WDR89: variants seen among roughly 807,000 people sequenced by gnomAD.
WDR89 encodes WD repeat-containing protein 89.
In WDR89, 17 loss-of-function variants were observed where a neutral mutation model predicts 29.1. The ratio of observed to expected loss-of-function variants is 0.58; its 90% CI spans 0.40 to 0.88. The LOEUF (loss-of-function observed/expected upper bound fraction) is 0.88, where lower values mean the gene tolerates loss of function less well. Ranked by LOEUF, WDR89 falls within the 40% of genes least tolerant of loss-of-function variation. The probability of loss-of-function intolerance (pLI) is 0.00; values close to 1 mark genes in which losing one functional copy is unlikely to be tolerated. For synonymous variants in WDR89, 138 were observed against 157.8 expected (o/e 0.87, Z 0.94); for missense variants, 396 against 456.3 (o/e 0.87, Z 1.20).
At position 63,604,689 on chromosome 14, in the gene WDR89, C is replaced by T. The variant is rs955869844; in HGVS notation, c.-31-4716G>A. On this transcript the variant is annotated intron_variant, in intron 2 of 2. Coordinates refer to ENST00000620954, the MANE Select transcript of WDR89 (RefSeq NM_080666.4). ...CACTCAATATAATTTTTAAAAAGTC[C>T]TGTTTTAGTGGTGAACTTATTACCT... Among the ~76,000 whole-genome samples the T allele has an allele frequency of 2.0e-5, 3 of 152,136 alleles. No individual in the cohort carries two copies. In the East Asian group the frequency reaches 5.8e-4, roughly 29 times the overall value.
At chr14:63,639,697 C>T (rs55665448) in intron 1 of WDR89, among the ~76,000 whole-genome samples, 17,202 of 152,146 alleles carry the variant, frequency 0.11, 2,236 homozygotes, top group African/African-American at 0.32. Context: ...ATGGAAATCA[C>T]TGAAAATGTA....
In WDR89 at chr14:63,599,984, T is replaced by A. The variant is rs1045220447; in HGVS notation, c.-31-11A>T. 2.3e-6 allele frequency: 3 copies of A among 1,308,452 alleles called. No individual in the cohort carries two copies. Among genetic ancestry groups the A allele is most frequent in the East Asian group, 2.8e-5 (1 of 35,490 alleles). The allele number at this position is 1,308,452 out of a possible 1,614,324, so 81.1% of individuals were successfully genotyped here. A position where few individuals can be genotyped will look rare whatever the true frequency, so the allele number is the denominator to read the frequency against. On this transcript the variant is annotated splice_polypyrimidine_tract_variant and intron_variant, in intron 2 of 2. Coordinates refer to ENST00000620954, the MANE Select transcript of WDR89 (RefSeq NM_080666.4). ...AAGGGTAGTAAAACTCTGTAAAAAA[T>A]AATAATAATAAAAATAAAAATTAAT...
At chr14:63,608,302 T>C (rs922148880) in intron 2 of WDR89, among the ~76,000 whole-genome samples, 4 of 152,022 alleles carry the variant, frequency 2.6e-5, no homozygotes, top group African/African-American at 9.7e-5. Flanking sequence ...CCCAGTACTT[T>C]GGGAGACTGA....
At chr14:63,630,010 T>G (rs1883295995) in intron 1 of WDR89, among the ~76,000 whole-genome samples, 1 of 152,140 alleles carries the variant, frequency 6.6e-6, no homozygotes, top group Non-Finnish European at 1.5e-5. Context: ...TGCAATGGCG[T>G]GATCTTGGCT....
intron 2 of WDR89, among the ~76,000 whole-genome samples, chr14:63,608,216 C>T (rs1027750003): frequency 2.2e-4 from 34 of 151,820 alleles, no homozygotes; most frequent in African/African-American, 8.2e-4. Context: ...AAAAACAAAA[C>T]AAAACAAACA....
In WDR89 at chr14:63,639,546, C is replaced by T. The variant is rs145681098; in HGVS notation, c.-138+2258G>A. On this transcript the variant is annotated intron_variant, in intron 1 of 2. Coordinates refer to ENST00000620954, the MANE Select transcript of WDR89 (RefSeq NM_080666.4). ...TTACAGTAGCTATATGAACAAAATA[C>T]ACCCTTTTGACAGTTTGGCGATAAT... is the stretch of plus-strand genomic sequence containing the variant. Among the ~76,000 whole-genome samples, 1,346 of 152,120 alleles carry T rather than the reference C, an allele frequency of 8.8e-3. 13 individuals are homozygous for T. Among genetic ancestry groups the T allele is most frequent in the Non-Finnish European group, 0.013 (889 of 68,018 alleles).
At chr14:63,623,153 G>A (rs1331422027) in intron 2 of WDR89, among the ~76,000 whole-genome samples, 1 of 141,480 alleles carries the variant, frequency 7.1e-6, no homozygotes, top group Non-Finnish European at 1.5e-5. Flanking sequence ...AACCCAGATC[G>A]CCCTATTGCA....
At position 63,597,692 on chromosome 14, in the gene WDR89, T is replaced by C. The variant is rs915030445; in HGVS notation, c.*1087A>G. On this transcript the variant is annotated 3_prime_UTR_variant, in exon 3 of 3. Transcript: ENST00000620954. ...ATTCACTAGATAGCACTGTCTTATA[T>C]TTTAAAGATTCTGAAAAACACAATT... 7.2e-5 allele frequency: 11 copies of C among 152,242 alleles called. No individual in the cohort carries two copies. The highest frequency in any genetic ancestry group is 2.0e-4 in the Admixed American group (3 of 15,280). 9.4% of individuals were successfully genotyped at this position (152,242 alleles called of 1,614,324 possible).
At chr14:63,631,223 C>T (rs993693520) in intron 1 of WDR89, among the ~76,000 whole-genome samples, 4 of 152,112 alleles carry the variant, frequency 2.6e-5, no homozygotes, top group African/African-American at 4.8e-5. Context: ...GAAATATGTA[C>T]ATTATGTGTC....
chr14:63,637,504 ACCAAT>A (rs1883811180), intron 1 of WDR89, among the ~76,000 whole-genome samples: 1 of 152,230 alleles, frequency 6.6e-6, no homozygotes, highest in Non-Finnish European at 1.5e-5. Context: ...TAATCGTGGA[ACCAAT>A]CCAAATGCCC....
chr14:63,608,639 C>A (rs1881748603), intron 2 of WDR89, among the ~76,000 whole-genome samples: 1 of 150,580 alleles, frequency 6.6e-6, no homozygotes, highest in Admixed American at 6.6e-5. Context: ...TGAAGTATCT[C>A]AACAAAAACC....
chr14:63,600,738 AAAAAAAAAAAAAAAAAG>A (rs1895025086), intron 2 of WDR89, among the ~76,000 whole-genome samples: 1 of 136,978 alleles, frequency 7.3e-6, no homozygotes, highest in African/African-American at 3.1e-5. Context: ...AAAAAAAAAA[AAAAAAAAAAAAAAAAAG>A]GTTTCCCAAA....
chr14:63,618,048 C>T (rs1455665607), intron 2 of WDR89: 4 of 152,066 alleles, frequency 2.6e-5, no homozygotes, highest in African/African-American at 7.2e-5. Flanking sequence ...CCATGGTGCT[C>T]GCTTCTGCAG....
intron 2 of WDR89, among the ~76,000 whole-genome samples, chr14:63,611,703 A>C (rs113145421): frequency 0.016 from 2,482 of 151,454 alleles, 65 homozygotes; most frequent in African/African-American, 0.051. Context: ...TATCCCCCCC[A>C]AAAAAAAATT....
chr14:63,608,065 G>A (rs1881705833), intron 2 of WDR89, among the ~76,000 whole-genome samples: 1 of 151,912 alleles, frequency 6.6e-6, no homozygotes, highest in South Asian at 2.1e-4. Flanking sequence ...AATAAGCTGG[G>A]TGTGGTGGTG....
chr14:63,620,023 A>C (rs1464420877), intron 2 of WDR89, among the ~76,000 whole-genome samples: 1 of 149,932 alleles, frequency 6.7e-6, no homozygotes, highest in Non-Finnish European at 1.5e-5. Context: ...AAAAAAAAAA[A>C]AGAAAAAGAA....
chr14:63,613,332 C>T (rs1396343075), intron 2 of WDR89, among the ~76,000 whole-genome samples: 1 of 151,900 alleles, frequency 6.6e-6, no homozygotes, highest in Non-Finnish European at 1.5e-5. Context: ...GAAAAAAACC[C>T]AAAAAACTCC....
intron 2 of WDR89, among the ~76,000 whole-genome samples, chr14:63,602,565 G>A (rs1242036467): frequency 6.6e-6 from 1 of 151,318 alleles, no homozygotes; most frequent in African/African-American, 2.4e-5. Flanking sequence ...CTGAGGTCGG[G>A]AGATTGAGAC....
intron 2 of WDR89, among the ~76,000 whole-genome samples, chr14:63,602,998 C>T (rs1025273859): frequency 6.6e-5 from 10 of 151,978 alleles, no homozygotes; most frequent in African/African-American, 1.2e-4. Flanking sequence ...CCTCGTGATC[C>T]GCCTGCCTCG....
Sources: allele counts gnomAD v4.1 joint callset (sites outside exome capture counted in the v4.1 genomes callset), GRCh38; gene constraint gnomAD v4.1.1; transcripts MANE v1.5; gene names NCBI Gene and HGNC (gene_info 2026-07-23, HGNC 2026-07-21).